The following BPHL variants were observed in gnomAD, a reference collection of about 807,000 sequenced individuals.
The protein encoded by BPHL is biphenyl hydrolase like, also known as serine hydrolase BPHL.
BPHL carries 27 observed loss-of-function variants against 31.2 expected under a neutral mutation model. The ratio of observed to expected loss-of-function variants is 0.87; its 90% CI spans 0.64 to 1.19. The LOEUF (loss-of-function observed/expected upper bound fraction) is 1.19. Ranked by LOEUF, BPHL falls within the 50% of genes most tolerant of loss-of-function variation. The pLI is 0.00. For synonymous variants in BPHL, 150 were observed against 146.8 expected (o/e 1.02, Z -0.16); for missense variants, 356 against 375.7 (o/e 0.95, Z 0.43).
rs58044191 is a variant in BPHL at position 3,152,958 on chromosome 6, A to G, written c.*383A>G. On this transcript the variant is annotated 3_prime_UTR_variant, in exon 7 of 7. Coordinates refer to ENST00000380379, the MANE Select transcript of BPHL (RefSeq NM_004332.4). Reference sequence around the variant, plus strand: ...GAGGTGGGAGGATCACTTGAGCCCAATTCAAAGCTGCAGTGAGCTGTAATT... The same window carrying G: ...GAGGTGGGAGGATCACTTGAGCCCAGTTCAAAGCTGCAGTGAGCTGTAATT... 4,201 of 158,814 alleles carry G rather than the reference A, an allele frequency of 0.026. 200 individuals are homozygous for G. The highest frequency in any genetic ancestry group is 0.094 in the African/African-American group (3,925 of 41,690). 9.8% of individuals were successfully genotyped at this position (158,814 alleles called of 1,614,324 possible). A position where few individuals can be genotyped will look rare whatever the true frequency, so the allele number is the denominator to read the frequency against.
chr6:3,133,135 G>C (rs1348425266), intron 4 of BPHL, among the ~76,000 whole-genome samples: 1 of 152,202 alleles, frequency 6.6e-6, no homozygotes, highest in Non-Finnish European at 1.5e-5. Context: ...TAAGGTCTCT[G>C]ATTCTCAGCC....
chr6:3,126,921 A>ATT (rs34930913), intron 2 of BPHL: 35 of 100,130 alleles, frequency 3.5e-4, no homozygotes, highest in African/African-American at 6.9e-4. Flanking sequence ...GCCCGGCTAC[A>ATT]TTTTTTTTTT....
intron 6 of BPHL, among the ~76,000 whole-genome samples, chr6:3,146,556 TCGG>T (rs1762377363): frequency 1.1e-3 from 1 of 936 alleles, no homozygotes; most frequent in Non-Finnish European, 2.9e-3. Flanking sequence ...CTGGTTTGGG[TCGG>T]GAGTGCTGGT....
chr6:3,131,938 C>T (rs1484055944), intron 4 of BPHL, among the ~76,000 whole-genome samples: 1 of 152,228 alleles, frequency 6.6e-6, no homozygotes, highest in South Asian at 2.1e-4. Flanking sequence ...ACACCTTGCA[C>T]GTGCCTGTGT....
At position 3,125,931 on chromosome 6, in the gene BPHL, A is replaced by G. The variant is rs545990497; in HGVS notation, c.212-1311A>G. On this transcript the variant is annotated intron_variant, in intron 2 of 6. Transcript: ENST00000380379. ...GAGGTAGAAGTCCTCAGAAATCAGC[A>G]GACTTCACTGATAAAATGCTGACTT... Among the ~76,000 whole-genome samples, 37 of 152,356 alleles carry G rather than the reference A, an allele frequency of 2.4e-4. 1 individual carries two copies. Among genetic ancestry groups the G allele is most frequent in the Admixed American group, 8.5e-4 (13 of 15,304 alleles).
chr6:3,124,491 ATCCCAAAATCTGAGGATCCTCAAG>A (rs1761661645), intron 2 of BPHL, among the ~76,000 whole-genome samples: 1 of 152,194 alleles, frequency 6.6e-6, no homozygotes, highest in African/African-American at 2.4e-5. Flanking sequence ...AAGCCCTCAG[ATCCCAAAATCTGAGGATCCTCAAG>A]TCCCTGATAT....
intron 5 of BPHL, chr6:3,138,307 C>T (rs1332328323): frequency 5.4e-6 from 1 of 185,980 alleles, no homozygotes; most frequent in Non-Finnish European, 1.1e-5. Flanking sequence ...CCTGAGACAC[C>T]ATGCCCAGCC....
rs1220071120 is a variant in BPHL, at chr6:3,127,362, C to T, written c.332C>T (p.Ala111Val). ...AGGCCCCCAGATCGCGATTTCCCAG[C>T]AGACTTTTTTGAAAGGGATGCAAAA... is the stretch of plus-strand genomic sequence containing the variant. ...HSRPPDRDFP[A>V]DFFERDAKDA... The change falls in exon 3 of 7, where the codon GCA (alanine) becomes GTA (valine). Residue 111 changes from alanine to valine, a missense_variant. Coordinates refer to ENST00000380379, the MANE Select transcript of BPHL (RefSeq NM_004332.4). 2 of 1,607,346 alleles carry T rather than the reference C, an allele frequency of 1.2e-6. No homozygotes were observed. The highest frequency in any genetic ancestry group is 1.3e-5 in the African/African-American group (1 of 74,642).
rs145091296 is a variant in BPHL at position 3,120,414 on chromosome 6, A to C, written c.107+1567A>C. ...AGTTGCATTGCAGATCATTCTTCCTAAAATATCTCTGAAGAAACAGGTTTT... is the reference window on the plus strand; with the variant it reads ...AGTTGCATTGCAGATCATTCTTCCTCAAATATCTCTGAAGAAACAGGTTTT... On this transcript the variant is annotated intron_variant, in intron 1 of 6. Coordinates refer to ENST00000380379, the MANE Select transcript of BPHL (RefSeq NM_004332.4). 3.9e-3 allele frequency among the ~76,000 whole-genome samples: 592 copies of C among 152,244 alleles called. 5 individuals carry two copies. The highest frequency in any genetic ancestry group is 6.8e-3 in the South Asian group (33 of 4,830).
At chr6:3,143,585 T>G (rs1762235995) in intron 6 of BPHL, among the ~76,000 whole-genome samples, 1 of 152,242 alleles carries the variant, frequency 6.6e-6, no homozygotes, top group Non-Finnish European at 1.5e-5. Context: ...TGAGAGCTGC[T>G]CAGACGACAG....
chr6:3,152,477 T>G lies in BPHL; in HGVS notation c.789-11T>G, dbSNP rs1747222041. 1 of 1,612,004 alleles carries G rather than the reference T, an allele frequency of 6.2e-7. No individual in the cohort carries two copies. The highest frequency in any genetic ancestry group is 1.7e-5 in the Admixed American group (1 of 59,728). ...GCCATTGACCCAAAGTATTTTTAAT[T>G]CCTTTTTTAGGCTGCATTTGATGCC... is the stretch of plus-strand genomic sequence containing the variant. On this transcript the variant is annotated splice_polypyrimidine_tract_variant and intron_variant, in intron 6 of 6. Transcript: ENST00000380379.
At chr6:3,129,803 AG>A (rs1761819956) in intron 4 of BPHL, among the ~76,000 whole-genome samples, 1 of 143,466 alleles carries the variant, frequency 7.0e-6, no homozygotes, top group Non-Finnish European at 1.5e-5. Context: ...CCTGTCTTTG[AG>A]GTTTTTTTTT....
chr6:3,143,174 CGCCACTGCACTCCAGCCCGGGCAACAA>C (rs1158092240), intron 6 of BPHL, among the ~76,000 whole-genome samples: 1 of 152,132 alleles, frequency 6.6e-6, no homozygotes, highest in Non-Finnish European at 1.5e-5. Context: ...GCCAAGATCA[CGCCACTGCACTCCAGCCCGGGCAACAA>C]GAGCCGAAAC....
At chr6:3,132,061 GTC>G (rs377250203) in intron 4 of BPHL, among the ~76,000 whole-genome samples, 378 of 152,276 alleles carry the variant, frequency 2.5e-3, no homozygotes, top group African/African-American at 8.6e-3. Context: ...GAAAGCAAGA[GTC>G]TCTCAGTAGC....
At chr6:3,130,620 G>T (rs1014959901) in intron 4 of BPHL, among the ~76,000 whole-genome samples, 2 of 152,130 alleles carry the variant, frequency 1.3e-5, no homozygotes, top group African/African-American at 4.8e-5. Context: ...CTCTCCTCAT[G>T]TGTAAGTATC....
chr6:3,132,152 A>G lies in BPHL; in HGVS notation c.532+2954A>G, dbSNP rs547547054. On this transcript the variant is annotated intron_variant, in intron 4 of 6. Coordinates refer to ENST00000380379, the MANE Select transcript of BPHL (RefSeq NM_004332.4). ...CTTTTTCATCCCCCATCCTCTCCTA[A>G]CTTGTGTCAAGATGGCTGTGGCCCG... Among the ~76,000 whole-genome samples the G allele has an allele frequency of 9.0e-4, 136 of 151,562 alleles. 5 individuals carry two copies. In the South Asian group the frequency reaches 0.026, roughly 29 times the overall value.
intron 1 of BPHL, among the ~76,000 whole-genome samples, chr6:3,119,080 CTG>C (rs1377170808): frequency 7.9e-5 from 12 of 152,246 alleles, no homozygotes; most frequent in African/African-American, 2.9e-4. Flanking sequence ...TTCAAGGAGT[CTG>C]GAGCCGTGGA....
chr6:3,124,110 G>A lies in BPHL; in HGVS notation c.211+350G>A, dbSNP rs117622453. On this transcript the variant is annotated intron_variant, in intron 2 of 6. Transcript: ENST00000380379. The stretch of plus-strand genomic sequence containing the variant: ...CAGTCATCCTAGTTTGCTTGGCGTT[G>A]GGGGATTTTCCAGGATGTGGGACTT... 57 of 157,078 alleles carry A rather than the reference G, an allele frequency of 3.6e-4. 2 individuals carry two copies. The East Asian group carries it at 0.01, about 28-fold the overall frequency. 9.7% of individuals were successfully genotyped at this position (157,078 alleles called of 1,614,324 possible).
intron 4 of BPHL, among the ~76,000 whole-genome samples, chr6:3,136,544 C>G (rs1203232445): frequency 2.0e-5 from 3 of 152,232 alleles, no homozygotes; most frequent in Admixed American, 6.5e-5. Flanking sequence ...TTTGAATTCA[C>G]TAAGCACACA....
Sources: gnomAD v4.1 joint callset for allele counts (sites outside exome capture counted in the v4.1 genomes callset) on GRCh38, gnomAD v4.1.1 for gene constraint, MANE v1.5 for transcripts, NCBI Gene and HGNC (gene_info 2026-07-23, HGNC 2026-07-21) for gene names.